The following TESPA1 variants were observed in gnomAD, a reference collection of about 807,000 sequenced individuals.
TESPA1 encodes thymocyte expressed, positive selection associated 1.
Under a neutral mutation model 57.9 loss-of-function variants are expected in TESPA1, and 33 were observed. The observed-to-expected ratio is 0.57, with a 90% confidence interval of 0.43 to 0.76. The LOEUF is 0.76. TESPA1 is among the 30% of genes least tolerant of loss of function. The probability of loss-of-function intolerance (pLI) is 0.00; values close to 1 mark genes in which losing one functional copy is unlikely to be tolerated. For missense variants in TESPA1, 618 were observed against 632.9 expected (o/e 0.98, Z 0.25); for synonymous variants, 227 against 228.9 (o/e 0.99, Z 0.07).
intron 10 of TESPA1, among the ~76,000 whole-genome samples, chr12:54,957,124 T>A (rs1950783231): frequency 6.6e-6 from 1 of 152,098 alleles, no homozygotes; most frequent in African/African-American, 2.4e-5. Flanking sequence ...TAGAAAAAAA[T>A]GGAGCTCGCT....
intron 7 of TESPA1, among the ~76,000 whole-genome samples, chr12:54,964,911 A>G (rs1951329019): frequency 6.6e-6 from 1 of 152,210 alleles, no homozygotes. Flanking sequence ...CCATCTTCAG[A>G]CATTCTGATT....
intron 3 of TESPA1, among the ~76,000 whole-genome samples, chr12:54,969,183 A>C (rs976352298): frequency 1.3e-5 from 2 of 151,424 alleles, no homozygotes; most frequent in Non-Finnish European, 2.9e-5. Context: ...GGTTCATTAT[A>C]AAATATGAAA....
intron 2 of TESPA1, chr12:54,973,828 A>C: frequency 8.8e-7 from 1 of 1,130,514 alleles, no homozygotes; most frequent in Non-Finnish European, 1.1e-6. Context: ...TAAAAAGAAA[A>C]AGAAAAAGAA....
chr12:54,982,344 A>T (rs1352149108), intron 1 of TESPA1, among the ~76,000 whole-genome samples: 2 of 152,226 alleles, frequency 1.3e-5, no homozygotes, highest in Admixed American at 6.5e-5. Flanking sequence ...AAAAGGAGAG[A>T]TGTTACTTGG....
chr12:54,980,625 G>C (rs1340041582), intron 1 of TESPA1, among the ~76,000 whole-genome samples: 1 of 152,182 alleles, frequency 6.6e-6, no homozygotes. Flanking sequence ...GCTGGTCATG[G>C]GCACTCAGAG....
intron 1 of TESPA1, among the ~76,000 whole-genome samples, chr12:54,980,911 C>A (rs1309996933): frequency 2.0e-5 from 3 of 152,102 alleles, no homozygotes; most frequent in Non-Finnish European, 4.4e-5. Flanking sequence ...CTGCTTTCTG[C>A]ATATTTGTCC....
intron 3 of TESPA1, 39 bp downstream of exon 3, chr12:54,973,438 A>G (rs1205192368): frequency 2.5e-6 from 4 of 1,613,752 alleles, no homozygotes; most frequent in Admixed American, 3.3e-5. Context: ...AAATTCAACC[A>G]TCAGCCACAT....
intron 2 of TESPA1, chr12:54,974,074 T>C (rs537742060): frequency 9.6e-6 from 3 of 312,420 alleles, no homozygotes; most frequent in East Asian, 2.1e-4. Context: ...GGCATCCAGC[T>C]TGGGTGTGGT....
In TESPA1 at chr12:54,967,219, T is replaced by C. The variant is rs1169419775; in HGVS notation, c.274A>G (p.Thr92Ala). 2 of 1,612,768 alleles carry C rather than the reference T, an allele frequency of 1.2e-6. No homozygotes were observed. Among genetic ancestry groups the C allele is most frequent in the East Asian group, 4.5e-5 (2 of 44,846 alleles). ...FIYNGFCSHG[T>A]SFEDDLTLGA... ...AGGGTCAAGTCATCTTCAAAGCTGG[T>C]CCCATGGCTGCAGAAGCCTGTCCAA... is the stretch of plus-strand genomic sequence containing the variant. The change falls in exon 5 of 11, where the codon ACC becomes GCC. Residue 92 changes from threonine to alanine, a missense_variant. Physicochemically the swap from Thr to Ala is moderately conservative, Grantham distance 58. This residue lies in a region of TESPA1 where 199 missense variants were observed against 184.0 expected (regional missense o/e 1.08). Coordinates refer to ENST00000449076, the MANE Select transcript of TESPA1 (RefSeq NM_001136030.3).
intron 7 of TESPA1, among the ~76,000 whole-genome samples, chr12:54,964,263 T>TA (rs1344332266): frequency 6.6e-5 from 10 of 152,220 alleles, no homozygotes; most frequent in African/African-American, 2.2e-4. Context: ...GCAGCATAGA[T>TA]ACAAATAAAT....
chr12:54,971,085 T>C (rs773410776), intron 3 of TESPA1, among the ~76,000 whole-genome samples: 1 of 152,224 alleles, frequency 6.6e-6, no homozygotes, highest in Admixed American at 6.5e-5. Flanking sequence ...CTGAGAAACA[T>C]TGACACTAAA....
intron 2 of TESPA1, 23 bp from the exon 3 acceptor site, chr12:54,973,542 C>A: frequency 6.2e-7 from 1 of 1,613,984 alleles, no homozygotes. Flanking sequence ...GACACTAGAT[C>A]ACTGTGAGAA....
rs967454123 is a variant in TESPA1, at chr12:54,949,011, T to C, written c.*1381A>G. The stretch of plus-strand genomic sequence containing the variant: ...TTCTCTAGGACCTGAGAACCACCTC[T>C]TTGAAATGTTAACATCAAGGAAGAT... On this transcript the variant is annotated 3_prime_UTR_variant, in exon 11 of 11. Transcript: ENST00000449076. 3.3e-5 allele frequency: 5 copies of C among 152,214 alleles called. No individual in the cohort carries two copies. The highest frequency in any genetic ancestry group is 6.5e-5 in the Admixed American group (1 of 15,278). 9.4% of individuals were successfully genotyped at this position (152,214 alleles called of 1,614,324 possible). A position where few individuals can be genotyped will look rare whatever the true frequency, so the allele number is the denominator to read the frequency against.
At chr12:54,973,426 G>A (rs762688150) in intron 3 of TESPA1, 51 bp downstream of exon 3, 35 of 1,612,174 alleles carry the variant, frequency 2.2e-5, no homozygotes, top group Admixed American at 3.3e-5. Flanking sequence ...GTGTCTGTTA[G>A]CAAATTCAAC....
chr12:54,968,275 T>C (rs553131092), intron 3 of TESPA1, among the ~76,000 whole-genome samples: 31 of 152,300 alleles, frequency 2.0e-4, no homozygotes, highest in African/African-American at 7.2e-4. Context: ...AAATCACAAA[T>C]ATAAATTTCT....
rs182167335 is a variant in TESPA1 at position 54,959,494 on chromosome 12, A to G, written c.*1+1674T>C. ...TTGAGCTCCTAGAAGTAAGACTCCC[A>G]GAAACAAGGGGCCTCCCAATGACTG... On this transcript the variant is annotated intron_variant, in intron 10 of 10. Coordinates refer to ENST00000449076, the MANE Select transcript of TESPA1 (RefSeq NM_001136030.3). Among the ~76,000 whole-genome samples, 46 of 152,370 alleles carry G rather than the reference A, an allele frequency of 3.0e-4. 1 individual carries two copies. Among genetic ancestry groups the G allele is most frequent in the Middle Eastern group, 3.4e-3 (1 of 294 alleles).
At position 54,961,326 on chromosome 12, in the gene TESPA1, G is replaced by A. The variant is rs1012457760; in HGVS notation, c.1468-59C>T. On this transcript the variant is annotated intron_variant, in intron 9 of 10. Coordinates refer to ENST00000449076, the MANE Select transcript of TESPA1 (RefSeq NM_001136030.3). ...CCAAGGGGGAAAGGGGGTAAGGAAA[G>A]GTGCAGGTGGCAGGTAGCTGTAGGG... 11 of 1,592,306 alleles carry A rather than the reference G, an allele frequency of 6.9e-6. No homozygotes were observed. In the African/African-American group the frequency reaches 1.2e-4, roughly 18 times the overall value.
intron 10 of TESPA1, 32 bp from the exon 11 acceptor site, chr12:54,950,422 G>A (rs1464232988): frequency 2.3e-6 from 1 of 436,314 alleles, no homozygotes; most frequent in Admixed American, 2.5e-5. Context: ...TACATATCAT[G>A]CATTTTTTAA....
intron 3 of TESPA1, among the ~76,000 whole-genome samples, chr12:54,971,082 A>G (rs1191639276): frequency 6.6e-6 from 1 of 152,238 alleles, no homozygotes; most frequent in East Asian, 1.9e-4. Flanking sequence ...GCACTGAGAA[A>G]CATTGACACT....
Sources: gnomAD v4.1 joint callset for allele counts (sites outside exome capture counted in the v4.1 genomes callset) on GRCh38, gnomAD v4.1.1 for gene constraint, gnomAD v4.1.1 regional missense constraint, MANE v1.5 for transcripts, NCBI Gene and HGNC (gene_info 2026-07-23, HGNC 2026-07-21) for gene names.